CEP63: variants seen among roughly 807,000 people sequenced by gnomAD.
CEP63 encodes centrosomal protein 63.
A neutral mutation model predicts 89.1 loss-of-function variants in CEP63; 84 were observed. The observed-to-expected ratio is 0.94, with a 90% CI of 0.79 to 1.13. The LOEUF (loss-of-function observed/expected upper bound fraction) is 1.13. Ranked by LOEUF, CEP63 falls within the 50% of genes most tolerant of loss-of-function variation. The probability of loss-of-function intolerance (pLI) is 0.00; values close to 1 mark genes in which losing one functional copy is unlikely to be tolerated. For missense variants in CEP63, 838 were observed against 813.3 expected (o/e 1.03, Z -0.37); for synonymous variants, 267 against 272.5 (o/e 0.98, Z 0.20).
chr3:134,749,207 T>C, the CEP63 span, among the ~76,000 whole-genome samples: 3 of 152,178 alleles, frequency 2.0e-5, no homozygotes, highest in Non-Finnish European at 4.4e-5. Flanking sequence ...GAAACCCAAA[T>C]TGTTGGGCCT....
the CEP63 span, among the ~76,000 whole-genome samples, chr3:134,633,933 A>C: frequency 6.6e-6 from 1 of 152,358 alleles, no homozygotes; most frequent in South Asian, 2.1e-4. Context: ...TTAACATACA[A>C]ACATCGATTG....
intron 3 of CEP63, among the ~76,000 whole-genome samples, chr3:134,515,811 G>A (rs1946073495): frequency 6.6e-6 from 1 of 152,014 alleles, no homozygotes. Context: ...TGGCTGATAA[G>A]CTTAAAAAAA....
At chr3:134,652,736 A>G in the CEP63 span, among the ~76,000 whole-genome samples, 1 of 152,128 alleles carries the variant, frequency 6.6e-6, no homozygotes, top group Admixed American at 6.5e-5. Context: ...CATTATGCAA[A>G]GCTCTTGGGG....
chr3:134,643,365 C>T, the CEP63 span: 10 of 1,613,778 alleles, frequency 6.2e-6, no homozygotes, highest in Middle Eastern at 1.6e-4. Flanking sequence ...GGTGCTGCTT[C>T]TCCACCAAGT....
chr3:134,684,621 G>A, the CEP63 span, among the ~76,000 whole-genome samples: 11 of 152,220 alleles, frequency 7.2e-5, no homozygotes, highest in Non-Finnish European at 5.9e-5. Flanking sequence ...CGACTGGGCC[G>A]GGCACATTGA....
the CEP63 span, among the ~76,000 whole-genome samples, chr3:134,635,785 A>G: frequency 6.6e-6 from 1 of 152,178 alleles, no homozygotes; most frequent in African/African-American, 2.4e-5. Flanking sequence ...AAAAAAACCC[A>G]AGCAGAATTA....
At chr3:134,629,735 GC>G in the CEP63 span, 1 of 1,339,616 alleles carries the variant, frequency 7.5e-7, no homozygotes, top group African/African-American at 1.4e-5. Context: ...ACCAGATGCT[GC>G]CAGGAAAGGG....
the CEP63 span, among the ~76,000 whole-genome samples, chr3:134,667,420 G>A: frequency 1.3e-5 from 2 of 152,196 alleles, no homozygotes; most frequent in Admixed American, 1.3e-4. Context: ...GCATTACTGA[G>A]TTGGTCACAG....
chr3:134,656,841 T>C, the CEP63 span, among the ~76,000 whole-genome samples: 1 of 152,142 alleles, frequency 6.6e-6, no homozygotes, highest in African/African-American at 2.4e-5. Context: ...GACAAGATGC[T>C]CTGTCAAATT....
the CEP63 span, among the ~76,000 whole-genome samples, chr3:134,605,555 T>G: frequency 1.3e-5 from 2 of 152,170 alleles, no homozygotes; most frequent in African/African-American, 4.8e-5. Context: ...GCCAGCATGA[T>G]GGGGAGGCTG....
chr3:134,558,755 T>C (rs1443042555), intron 13 of CEP63, among the ~76,000 whole-genome samples: 1 of 152,228 alleles, frequency 6.6e-6, no homozygotes, highest in Non-Finnish European at 1.5e-5. Context: ...TGGCTTCAGC[T>C]CATACTATAT....
chr3:134,674,310 A>G, the CEP63 span, among the ~76,000 whole-genome samples: 1 of 152,252 alleles, frequency 6.6e-6, no homozygotes. Context: ...CAACTGAAAT[A>G]TACCATATTA....
rs1407526298 is a variant in CEP63, at chr3:134,562,853, C to A, written c.*1318C>A. 1.3e-5 allele frequency: 2 copies of A among 152,336 alleles called. No homozygotes were observed. Among genetic ancestry groups the A allele is most frequent in the East Asian group, 3.9e-4 (2 of 5,186 alleles). 9.4% of individuals were successfully genotyped at this position (152,336 alleles called of 1,614,324 possible). A position where few individuals can be genotyped will look rare whatever the true frequency, so the allele number is the denominator to read the frequency against. On this transcript the variant is annotated 3_prime_UTR_variant, in exon 15 of 15. Coordinates refer to ENST00000675561, the MANE Select transcript of CEP63 (RefSeq NM_001353108.3). ...ATCTCATGGCTTTTCCTCTTCTAAC[C>A]TCTAAGTCAGAGGGCCCCCTAGAGC...
chr3:134,656,722 G>A, the CEP63 span, among the ~76,000 whole-genome samples: 1 of 152,136 alleles, frequency 6.6e-6, no homozygotes, highest in East Asian at 1.9e-4. Flanking sequence ...GGAGAGGACA[G>A]GCAGGGGAGA....
chr3:134,527,268 G>A (rs1948850584), intron 3 of CEP63, among the ~76,000 whole-genome samples: 1 of 152,206 alleles, frequency 6.6e-6, no homozygotes, highest in African/African-American at 2.4e-5. Flanking sequence ...ACTGGTGGTG[G>A]TGTTGGCTTG....
the CEP63 span, among the ~76,000 whole-genome samples, chr3:134,680,558 G>A: frequency 6.6e-6 from 1 of 152,170 alleles, no homozygotes; most frequent in Non-Finnish European, 1.5e-5. Flanking sequence ...TTCAAGTCAA[G>A]ACATATGACT....
the CEP63 span, chr3:134,610,260 C>T: frequency 6.2e-7 from 1 of 1,613,944 alleles, no homozygotes; most frequent in East Asian, 2.2e-5. Flanking sequence ...CCACCAGGTG[C>T]CATCTTCCCT....
the CEP63 span, among the ~76,000 whole-genome samples, chr3:134,604,982 G>C: frequency 6.6e-6 from 1 of 152,162 alleles, no homozygotes; most frequent in Non-Finnish European, 1.5e-5. Flanking sequence ...GTGCATAGGA[G>C]GTTGGGGTGG....
chr3:134,550,389 G>T, intron 11 of CEP63, 129 bp downstream of exon 11: 1 of 908,282 alleles, frequency 1.1e-6, no homozygotes, highest in Middle Eastern at 2.5e-4. Flanking sequence ...CTGAGAGTAT[G>T]CTGGCTAGCA....
Sources: gnomAD v4.1 joint callset for allele counts (sites outside exome capture counted in the v4.1 genomes callset) on GRCh38, gnomAD v4.1.1 for gene constraint, MANE v1.5 for transcripts, NCBI Gene and HGNC (gene_info 2026-07-23, HGNC 2026-07-21) for gene names.